LAMA4: variants seen among roughly 807,000 people sequenced by gnomAD.
LAMA4 encodes the protein laminin subunit alpha-4.
Under a neutral mutation model 207.1 loss-of-function variants are expected in LAMA4, and 127 were observed. That is an observed-to-expected ratio of 0.61 (90% CI 0.53 to 0.71). The LOEUF (loss-of-function observed/expected upper bound fraction) is 0.71. LAMA4 is among the 30% of genes least tolerant of loss of function. The pLI is 0.00. For synonymous variants in LAMA4, 761 were observed against 816.0 expected, an observed-to-expected ratio of 0.93 and a Z score of 1.15; for missense variants, 2,093 against 2,246.5, an observed-to-expected ratio of 0.93 and a Z score of 1.38.
At chr6:112,155,973 A>G (rs1466388339) in intron 14 of LAMA4, among the ~76,000 whole-genome samples, 1 of 152,196 alleles carries the variant, frequency 6.6e-6, no homozygotes, top group Non-Finnish European at 1.5e-5. Context: ...AGCCCTCTGC[A>G]CTTCTTCTTG....
chr6:112,248,472 C>T (rs1421817142), intron 2 of LAMA4, among the ~76,000 whole-genome samples: 1 of 141,860 alleles, frequency 7.0e-6, no homozygotes, highest in Non-Finnish European at 1.5e-5. Context: ...GTACTCCAGC[C>T]TGGGTGACAG....
Position 112,117,158 on chromosome 6 carries a change from T to C in LAMA4, c.4981+581A>G, listed in dbSNP as rs1371360023. Among the ~76,000 whole-genome samples, 3 of 152,186 alleles carry C rather than the reference T, an allele frequency of 2.0e-5. No homozygotes were observed. The highest frequency in any genetic ancestry group is 7.2e-5 in the African/African-American group (3 of 41,440). Reference sequence around the variant, plus strand: ...TCCATAGAATATTCTTGGAATGAATTAGATGATGATTGTGTGTAGTCTGCT... The same window carrying C: ...TCCATAGAATATTCTTGGAATGAATCAGATGATGATTGTGTGTAGTCTGCT... On this transcript the variant is annotated intron_variant, in intron 35 of 38. Transcript: ENST00000230538. The surrounding 1 kb of genome is among the most constrained non-coding windows in gnomAD (Gnocchi z 4.5).
At chr6:112,202,827 A>C (rs879959020) in intron 4 of LAMA4, among the ~76,000 whole-genome samples, 15 of 152,206 alleles carry the variant, frequency 9.9e-5, no homozygotes, top group Non-Finnish European at 7.3e-5. Context: ...CCGCGCTTCC[A>C]TCTTTCTTTG....
intron 13 of LAMA4, among the ~76,000 whole-genome samples, chr6:112,161,722 G>A (rs1781063105): frequency 6.6e-6 from 1 of 151,848 alleles, no homozygotes; most frequent in Non-Finnish European, 1.5e-5. Context: ...GTGGGATGAG[G>A]AGTGAGTGGG....
intron 5 of LAMA4, 77 bp from the exon 6 acceptor site, chr6:112,191,927 G>GATT: frequency 9.0e-7 from 1 of 1,115,114 alleles, no homozygotes; most frequent in Non-Finnish European, 1.3e-6. Context: ...CTACAAAGAA[G>GATT]AAAGATGTAG....
rs1777994078 is a variant in LAMA4 at position 112,115,968 on chromosome 6, C to T, written c.5007G>A (p.Lys1669=). ...GACGGACTTCAAATGCAATTTCAAA[C>T]TTCAATCCAATATTGAAAGATTCAT... is the stretch of plus-strand genomic sequence containing the variant. ...VLDESFNIGL[K]FEIAFEVRPR... is the part of the protein sequence containing the mutation. The change falls in exon 36 of 39, where the codon AAG becomes AAA. Residue 1669 remains lysine, a synonymous_variant. Coordinates refer to ENST00000230538, the MANE Select transcript of LAMA4 (RefSeq NM_001105206.3). The T allele has an allele frequency of 1.2e-6, 2 of 1,613,260 alleles. No individual in the cohort carries two copies. Among genetic ancestry groups the T allele is most frequent in the East Asian group, 4.5e-5 (2 of 44,838 alleles).
At chr6:112,212,051 G>A (rs1418448127) in intron 3 of LAMA4, among the ~76,000 whole-genome samples, 2 of 152,056 alleles carry the variant, frequency 1.3e-5, no homozygotes, top group Non-Finnish European at 2.9e-5. Context: ...GGTAGGATAT[G>A]ATGTGAAACT....
At chr6:112,181,099 T>C (rs1782330385) in intron 9 of LAMA4, among the ~76,000 whole-genome samples, 1 of 152,200 alleles carries the variant, frequency 6.6e-6, no homozygotes, top group Non-Finnish European at 1.5e-5. Flanking sequence ...TCATTCCACC[T>C]GCCACTCTGG....
At position 112,114,152 on chromosome 6, in the gene LAMA4, T is replaced by G; in HGVS notation, c.5250A>C (p.Glu1750Asp). 1 of 1,613,926 alleles carries G rather than the reference T, an allele frequency of 6.2e-7. No individual in the cohort carries two copies. Among genetic ancestry groups the G allele is most frequent in the Non-Finnish European group, 8.5e-7 (1 of 1,179,802 alleles). Residue 1750 changes from glutamate to aspartate, a missense_variant, in exon 38 of 39, where the codon GAA becomes GAC. Around this residue, in one of 3 missense-constraint regions of LAMA4, gnomAD observed 383 missense variants for 437.8 expected, o/e 0.87. Coordinates refer to ENST00000230538, the MANE Select transcript of LAMA4 (RefSeq NM_001105206.3). The part of the protein sequence containing the change: ...SNVVQLDVDS[E>D]VNHVVGPLNP... The stretch of plus-strand genomic sequence containing the variant: ...TCAGGGGTCCAACCACATGGTTCAC[T>G]TCAGAGTCCACATCCAACTGAACCA...
At chr6:112,237,028 A>G (rs1785977929) in intron 2 of LAMA4, 2 of 152,234 alleles carry the variant, frequency 1.3e-5, no homozygotes, top group Admixed American at 1.3e-4. Flanking sequence ...TGAAGATCAA[A>G]TGATAGTGGT....
chr6:112,195,230 A>G lies in LAMA4; in HGVS notation c.504-3380T>C, dbSNP rs570974900. Reference sequence around the variant, plus strand: ...GTAGCTGTCTTTGGGATTAAATAAAATGACATAAAAAAAAAGAACTTGTTC... The same window carrying G: ...GTAGCTGTCTTTGGGATTAAATAAAGTGACATAAAAAAAAAGAACTTGTTC... On this transcript the variant is annotated intron_variant, in intron 5 of 38. Transcript: ENST00000230538. 3.6e-4 allele frequency among the ~76,000 whole-genome samples: 55 copies of G among 152,222 alleles called. 2 individuals carry two copies. In the South Asian group the frequency reaches 0.011, roughly 30 times the overall value.
chr6:112,228,897 C>T (rs1447523922), intron 2 of LAMA4, among the ~76,000 whole-genome samples: 1 of 152,136 alleles, frequency 6.6e-6, no homozygotes, highest in Non-Finnish European at 1.5e-5. Flanking sequence ...CACCAGCACA[C>T]CCTCGTTCTC....
intron 38 of LAMA4, among the ~76,000 whole-genome samples, chr6:112,112,923 A>T (rs2114546452): frequency 6.6e-6 from 1 of 152,334 alleles, no homozygotes; most frequent in African/African-American, 2.4e-5. Flanking sequence ...ACAGAAAGAC[A>T]AATATCATGT....
chr6:112,163,130 C>T (rs1435893923), intron 13 of LAMA4, among the ~76,000 whole-genome samples: 1 of 148,564 alleles, frequency 6.7e-6, no homozygotes, highest in Non-Finnish European at 1.5e-5. Flanking sequence ...CACCACCACG[C>T]CTAGCTATTT....
intron 2 of LAMA4, among the ~76,000 whole-genome samples, chr6:112,220,690 G>T (rs1285387378): frequency 1.3e-5 from 2 of 152,052 alleles, no homozygotes; most frequent in African/African-American, 4.8e-5. Context: ...CATTTGAAGA[G>T]CCCCTTGAGA....
chr6:112,130,032 A>G lies in LAMA4; in HGVS notation c.3977T>C (p.Leu1326Pro). Residue 1326 changes from leucine (L) to proline (P), a missense_variant, in exon 30 of 39, where the codon CTG (leucine) becomes CCG (proline). Physicochemically the swap from Leu to Pro is moderately conservative, Grantham distance 98. Transcript: ENST00000230538. ...CCCAACTCTGCTTTTATCTACTATCAGTTCATATCTGCAAAAGAAAAAGGC... is the reference window on the plus strand; with the variant it reads ...CCCAACTCTGCTTTTATCTACTATCGGTTCATATCTGCAAAAGAAAAAGGC... Reference protein sequence around the residue: ...ISSVSPTRYELIVDKSRVGSK... With the variant: ...ISSVSPTRYEPIVDKSRVGSK... The G allele has an allele frequency of 6.2e-7, 1 of 1,612,790 alleles. No individual in the cohort carries two copies. The highest frequency in any genetic ancestry group is 8.5e-7 in the Non-Finnish European group (1 of 1,179,300).
At chr6:112,187,358 C>T (rs782361068) in intron 8 of LAMA4, 92 bp downstream of exon 8, 4 of 1,421,062 alleles carry the variant, frequency 2.8e-6, no homozygotes, top group South Asian at 2.3e-5. Context: ...AGGTATGAGA[C>T]TCAGATACAA....
In LAMA4 at chr6:112,109,506, G is replaced by C. The variant is rs781927402; in HGVS notation, c.5403C>G (p.His1801Gln). Residue 1801 changes from histidine to glutamine, a missense_variant, in exon 39 of 39, where the codon CAC becomes CAG. This residue lies in a region of LAMA4 where 383 missense variants were observed against 437.8 expected (regional missense o/e 0.87). Coordinates refer to ENST00000230538, the MANE Select transcript of LAMA4 (RefSeq NM_001105206.3). ...GGGCTGCTTTACTGAAGCTCACTGG[G>C]TGTCCATCAATCACAAAGTGGCGTA... The part of the protein sequence containing the change: ...GCIRHFVIDG[H>Q]PVSFSKAALV... 1.2e-6 allele frequency: 2 copies of C among 1,614,120 alleles called. No individual in the cohort carries two copies. Among genetic ancestry groups the C allele is most frequent in the Non-Finnish European group, 1.7e-6 (2 of 1,180,006 alleles).
chr6:112,241,893 C>G lies in LAMA4; in HGVS notation c.195+12063G>C, dbSNP rs573932299. On this transcript the variant is annotated intron_variant, in intron 2 of 38. Transcript: ENST00000230538. ...TTTTCATTTTGGGGAACTGGGTCTT[C>G]CCTGTCTCCTAACATTATCTTTCTA... 3.9e-4 allele frequency among the ~76,000 whole-genome samples: 60 copies of G among 152,286 alleles called. No homozygotes were observed. The East Asian group carries it at 0.011, about 28-fold the overall frequency.
Sources: gnomAD v4.1 joint callset for allele counts (sites outside exome capture counted in the v4.1 genomes callset) on GRCh38, gnomAD v4.1.1 for gene constraint, gnomAD v4.1.1 regional missense constraint, Gnocchi (gnomAD v3.1) non-coding constraint, MANE v1.5 for transcripts, NCBI Gene and HGNC (gene_info 2026-07-23, HGNC 2026-07-21) for gene names.